Variants in SRPK2 observed in about 807,000 individuals in gnomAD.
The protein encoded by SRPK2 is SFRS protein kinase 2.
In SRPK2, 21 loss-of-function variants were observed where a neutral mutation model predicts 90.8. The ratio of observed to expected loss-of-function variants is 0.23; its 90% confidence interval spans 0.16 to 0.33. The LOEUF is 0.33. SRPK2 is among the 10% of genes least tolerant of loss of function. The pLI, the probability that SRPK2 is intolerant of heterozygous loss-of-function variation, is 1.00. For synonymous variants in SRPK2, 288 were observed against 311.1 expected, an observed-to-expected ratio of 0.93 and a Z score of 0.78; for missense variants, 620 against 869.0, an observed-to-expected ratio of 0.71 and a Z score of 3.60.
chr7:105,169,016 A>T (rs1790465061), intron 4 of SRPK2, 141 bp downstream of exon 4: 1 of 507,246 alleles, frequency 2.0e-6, no homozygotes, highest in Non-Finnish European at 3.4e-6. Flanking sequence ...GGCAGGAAGG[A>T]ATCTAGCCAG....
chr7:105,332,135 C>G (rs1170596255), intron 2 of SRPK2, among the ~76,000 whole-genome samples: 1 of 152,070 alleles, frequency 6.6e-6, no homozygotes, highest in Non-Finnish European at 1.5e-5. Context: ...TTCTAAAGCA[C>G]CAAGAAAAAC....
chr7:105,249,846 A>C (rs974616648), intron 2 of SRPK2, among the ~76,000 whole-genome samples: 7 of 152,198 alleles, frequency 4.6e-5, no homozygotes, highest in African/African-American at 1.4e-4. Context: ...CCTCAACTAT[A>C]CTAAAGTTAA....
At chr7:105,160,165 C>A in intron 7 of SRPK2, 1 of 161,550 alleles carries the variant, frequency 6.2e-6, no homozygotes, top group East Asian at 1.8e-4. Flanking sequence ...TAAGTTATTT[C>A]TTCTAAATTA....
At chr7:105,135,435 G>C (rs1802656975) in intron 11 of SRPK2, among the ~76,000 whole-genome samples, 2 of 152,238 alleles carry the variant, frequency 1.3e-5, no homozygotes, top group South Asian at 4.1e-4. Flanking sequence ...TGAGGGACCA[G>C]AGAGCAGCAG....
chr7:105,167,334 T>G, intron 6 of SRPK2, 43 bp downstream of exon 6: 2 of 1,538,652 alleles, frequency 1.3e-6, no homozygotes, highest in South Asian at 1.1e-5. Context: ...ATTTTCATTT[T>G]TTAAAAGGTA....
chr7:105,210,874 GC>G (rs1337605076), intron 2 of SRPK2, among the ~76,000 whole-genome samples: 4 of 152,144 alleles, frequency 2.6e-5, no homozygotes, highest in Non-Finnish European at 5.9e-5. Context: ...ACTGCCAGTG[GC>G]CTCTAGGAGT....
At chr7:105,384,881 C>CTT (rs139772496) in intron 2 of SRPK2, among the ~76,000 whole-genome samples, 38 of 145,348 alleles carry the variant, frequency 2.6e-4, no homozygotes, top group Admixed American at 1.0e-3. Context: ...ACATAGCAAC[C>CTT]TTTTTTTTTT....
chr7:105,381,130 G>C (rs971572449), intron 2 of SRPK2, among the ~76,000 whole-genome samples: 2 of 151,804 alleles, frequency 1.3e-5, no homozygotes, highest in Admixed American at 1.3e-4. Flanking sequence ...TGTAATCCCA[G>C]CTACTTGGGA....
intron 2 of SRPK2, among the ~76,000 whole-genome samples, chr7:105,309,465 C>T (rs1811475161): frequency 6.6e-6 from 1 of 152,184 alleles, no homozygotes; most frequent in Admixed American, 6.5e-5. Flanking sequence ...TTAGCATATA[C>T]ATGTGTATCT....
intron 15 of SRPK2, among the ~76,000 whole-genome samples, chr7:105,123,178 C>T (rs1010946655): frequency 6.6e-6 from 1 of 152,176 alleles, no homozygotes; most frequent in Non-Finnish European, 1.5e-5. Flanking sequence ...GCAAATTAAC[C>T]TTAAGAGGGT....
chr7:105,285,144 G>A (rs1023806002), intron 2 of SRPK2, among the ~76,000 whole-genome samples: 2 of 152,060 alleles, frequency 1.3e-5, no homozygotes, highest in Non-Finnish European at 1.5e-5. Context: ...CCAGCACTTT[G>A]GAAGCCCGAG....
At chr7:105,310,963 T>A (rs942279543) in intron 2 of SRPK2, among the ~76,000 whole-genome samples, 3 of 152,172 alleles carry the variant, frequency 2.0e-5, no homozygotes, top group African/African-American at 7.2e-5. Context: ...TTTTACACCC[T>A]TTCCATCAGA....
At chr7:105,388,211 C>G (rs998547947) in intron 2 of SRPK2, among the ~76,000 whole-genome samples, 7 of 151,980 alleles carry the variant, frequency 4.6e-5, no homozygotes, top group Non-Finnish European at 1.0e-4. Context: ...TCCGCCTCCT[C>G]GGCCCGCGGC....
At chr7:105,176,295 T>C (rs952703188) in intron 3 of SRPK2, among the ~76,000 whole-genome samples, 4 of 152,098 alleles carry the variant, frequency 2.6e-5, no homozygotes, top group East Asian at 1.9e-4. Flanking sequence ...ATCACAATTC[T>C]CAATGAAGCA....
At chr7:105,318,789 G>C (rs973966309) in intron 2 of SRPK2, among the ~76,000 whole-genome samples, 3 of 152,192 alleles carry the variant, frequency 2.0e-5, no homozygotes, top group East Asian at 1.9e-4. Context: ...ATTCATGCAA[G>C]TTCTGAGTCC....
rs191952223 is a variant in SRPK2 at position 105,251,766 on chromosome 7, G to A, written c.72-47981C>T. On this transcript the variant is annotated intron_variant, in intron 2 of 15. Transcript: ENST00000393651. ...TAATCATTAGTAATCACCATGTGGG[G>A]GTGTGTCTGGTGATGGGTACAAGAA... Among the ~76,000 whole-genome samples the A allele has an allele frequency of 2.4e-3, 372 of 152,254 alleles. 1 individual carries two copies. Among genetic ancestry groups the A allele is most frequent in the African/African-American group, 8.6e-3 (359 of 41,552 alleles).
At position 105,378,162 on chromosome 7, in the gene SRPK2, G is replaced by T. The variant is rs185628487; in HGVS notation, c.71+10486C>A. Reference sequence around the variant, plus strand: ...CCCACATGTTGACACCAACTGCAGTGTTTCTTCGGCATGGAAGGTCCTTGC... The same window carrying T: ...CCCACATGTTGACACCAACTGCAGTTTTTCTTCGGCATGGAAGGTCCTTGC... On this transcript the variant is annotated intron_variant, in intron 2 of 15. Transcript: ENST00000393651. 1.9e-3 allele frequency among the ~76,000 whole-genome samples: 285 copies of T among 152,206 alleles called. 3 individuals carry two copies. Among genetic ancestry groups the T allele is most frequent in the African/African-American group, 6.6e-3 (274 of 41,518 alleles).
intron 2 of SRPK2, among the ~76,000 whole-genome samples, chr7:105,279,036 T>C (rs1482974420): frequency 6.6e-6 from 1 of 152,184 alleles, no homozygotes; most frequent in Non-Finnish European, 1.5e-5. Context: ...TGATTTCATT[T>C]TTCAAGATGA....
At chr7:105,139,984 C>T (rs866099565) in intron 11 of SRPK2, among the ~76,000 whole-genome samples, 10 of 152,016 alleles carry the variant, frequency 6.6e-5, no homozygotes, top group Admixed American at 3.9e-4. Context: ...TGATATAAAA[C>T]GGTGTAGTGT....
Sources: gnomAD v4.1 joint callset for allele counts (sites outside exome capture counted in the v4.1 genomes callset) on GRCh38, gnomAD v4.1.1 for gene constraint, MANE v1.5 for transcripts, NCBI Gene and HGNC (gene_info 2026-07-23, HGNC 2026-07-21) for gene names.